KIAA1217: variants seen among roughly 807,000 people sequenced by gnomAD.
The protein encoded by KIAA1217 is KIAA1217, also known as sickle tail protein homolog.
In KIAA1217, 88 loss-of-function variants were observed where a neutral mutation model predicts 163.9. That is an observed-to-expected ratio of 0.54 (90% CI 0.45 to 0.64). KIAA1217 has a LOEUF of 0.64. Among genes scored for constraint, KIAA1217 ranks in the 30% least tolerant of loss-of-function variants. KIAA1217 has a pLI of 0.00. For missense variants in KIAA1217, 2,372 were observed against 2,475.0 expected, an observed-to-expected ratio of 0.96 and a Z score of 0.88; for synonymous variants, 903 against 923.1, an observed-to-expected ratio of 0.98 and a Z score of 0.39.
intron 2 of KIAA1217, among the ~76,000 whole-genome samples, chr10:24,131,038 T>A (rs1176124046): frequency 6.6e-6 from 1 of 152,228 alleles, no homozygotes; most frequent in Non-Finnish European, 1.5e-5. Context: ...GATTACTACA[T>A]AAATGATTTA....
At chr10:23,850,939 A>G (rs569714097) in intron 1 of KIAA1217, among the ~76,000 whole-genome samples, 51 of 152,250 alleles carry the variant, frequency 3.3e-4, no homozygotes, top group African/African-American at 1.2e-3. Flanking sequence ...CAATGAGAAC[A>G]GCAAGGGGGA....
intron 2 of KIAA1217, among the ~76,000 whole-genome samples, chr10:24,053,834 A>C (rs1849688534): frequency 6.6e-6 from 1 of 152,182 alleles, no homozygotes; most frequent in South Asian, 2.1e-4. Flanking sequence ...TGCACAGAAG[A>C]ACAGGCCATT....
intron 2 of KIAA1217, among the ~76,000 whole-genome samples, chr10:24,067,109 T>C (rs1203553846): frequency 1.3e-5 from 2 of 151,988 alleles, no homozygotes; most frequent in Admixed American, 6.6e-5. Flanking sequence ...TAGCTTGGAG[T>C]AGTTTGATCT....
At chr10:23,789,380 G>A (rs933088592) in intron 1 of KIAA1217, among the ~76,000 whole-genome samples, 2 of 152,044 alleles carry the variant, frequency 1.3e-5, no homozygotes, top group East Asian at 1.9e-4. Flanking sequence ...TAGACATATC[G>A]TGCAGAATCT....
At chr10:23,738,735 T>TA (rs5783860) in intron 1 of KIAA1217, among the ~76,000 whole-genome samples, 34,785 of 152,000 alleles carry the variant, frequency 0.23, 4,319 homozygotes, top group African/African-American at 0.32. Flanking sequence ...TATGGATAGA[T>TA]ATTGATTAAT....
At chr10:24,453,836 C>T (rs190457143) in intron 5 of KIAA1217, among the ~76,000 whole-genome samples, 1 of 152,188 alleles carries the variant, frequency 6.6e-6, no homozygotes, top group Admixed American at 6.5e-5. Flanking sequence ...TTCATTAACT[C>T]CTTAAGTCAC....
chr10:23,821,093 CTGTGTGTGTGCG>C (rs1373357629), intron 1 of KIAA1217, among the ~76,000 whole-genome samples: 3 of 137,346 alleles, frequency 2.2e-5, no homozygotes, highest in Non-Finnish European at 4.6e-5. Flanking sequence ...TTTCTTGCAG[CTGTGTGTGTGCG>C]TGTGTGTGTG....
At chr10:24,387,493 G>C (rs1214987012) in intron 3 of KIAA1217, among the ~76,000 whole-genome samples, 2 of 152,150 alleles carry the variant, frequency 1.3e-5, no homozygotes, top group African/African-American at 2.4e-5. Flanking sequence ...AAAACTGGTA[G>C]AAGACAGGGA....
chr10:24,294,594 G>A (rs1286758718), intron 2 of KIAA1217, among the ~76,000 whole-genome samples: 1 of 152,216 alleles, frequency 6.6e-6, no homozygotes, highest in East Asian at 1.9e-4. Context: ...AGCGTAGTCA[G>A]TGGATCTGTT....
At chr10:23,872,948 T>G (rs1013107816) in intron 1 of KIAA1217, among the ~76,000 whole-genome samples, 1 of 151,946 alleles carries the variant, frequency 6.6e-6, no homozygotes, top group African/African-American at 2.4e-5. Flanking sequence ...ATTTTTGGAA[T>G]GAAACAAGCC....
chr10:24,459,930 C>T (rs1477758926), intron 5 of KIAA1217, among the ~76,000 whole-genome samples: 1 of 152,116 alleles, frequency 6.6e-6, no homozygotes, highest in African/African-American at 2.4e-5. Context: ...GACCCTGTCT[C>T]TTTAAAACTA....
In KIAA1217 at chr10:24,545,994, G is replaced by C. The variant is rs770638761; in HGVS notation, c.5502G>C (p.Ser1834=). The part of the protein sequence containing the change: ...NLPNPPATKP[S]IASNPLSPQT... ...CTAATCCACCTGCTACTAAACCATC[G>C]ATTGCTTCTAACCCTCTCAGCCCCC... The change falls in exon 21 of 21, where the codon TCG becomes TCC. Residue 1834 remains serine, a synonymous_variant. Coordinates refer to ENST00000376454, the MANE Select transcript of KIAA1217 (RefSeq NM_019590.5). 1 of 1,613,912 alleles carries C rather than the reference G, an allele frequency of 6.2e-7. No individual in the cohort carries two copies. Among genetic ancestry groups the C allele is most frequent in the Non-Finnish European group, 8.5e-7 (1 of 1,179,982 alleles).
At chr10:23,763,614 A>G (rs190340691) in intron 1 of KIAA1217, among the ~76,000 whole-genome samples, 1 of 152,222 alleles carries the variant, frequency 6.6e-6, no homozygotes, top group East Asian at 1.9e-4. Flanking sequence ...TGGATTAAAG[A>G]CTTAAATGTA....
At chr10:24,462,442 A>G (rs1352431481) in intron 5 of KIAA1217, among the ~76,000 whole-genome samples, 1 of 152,192 alleles carries the variant, frequency 6.6e-6, no homozygotes, top group Admixed American at 6.5e-5. Context: ...GTGGGCAGGC[A>G]TGAGGAACAT....
chr10:23,892,781 G>C (rs185176168), intron 1 of KIAA1217, among the ~76,000 whole-genome samples: 1 of 151,942 alleles, frequency 6.6e-6, no homozygotes, highest in African/African-American at 2.4e-5. Flanking sequence ...CTTCAGTTAA[G>C]AATTTTGATA....
chr10:24,158,441 C>T, intron 2 of KIAA1217: 1 of 564,408 alleles, frequency 1.8e-6, no homozygotes, highest in Non-Finnish European at 3.5e-6. Context: ...CACATGATGT[C>T]TAACACAGGA....
intron 2 of KIAA1217, among the ~76,000 whole-genome samples, chr10:24,172,308 C>T (rs118190653): frequency 0.018 from 2,670 of 152,278 alleles, 38 homozygotes; most frequent in South Asian, 0.056. Context: ...CCTATGACCA[C>T]TATGCCAAGA....
At chr10:24,161,485 A>C (rs914139304) in intron 2 of KIAA1217, among the ~76,000 whole-genome samples, 6 of 152,232 alleles carry the variant, frequency 3.9e-5, no homozygotes, top group Non-Finnish European at 8.8e-5. Context: ...ATACACTATT[A>C]ACACACACAA....
At chr10:24,205,772 C>CA (rs11388565), upstream of KIAA1217, among the ~76,000 whole-genome samples, 66,088 of 141,914 alleles carry the variant, frequency 0.47, 14,848 homozygotes, top group African/African-American at 0.56. Context: ...GATGCTGTCT[C>CA]AAAAAAAAAA....
Sources: allele counts gnomAD v4.1 joint callset (sites outside exome capture counted in the v4.1 genomes callset), GRCh38; gene constraint gnomAD v4.1.1; transcripts MANE v1.5; gene names NCBI Gene and HGNC (gene_info 2026-07-23, HGNC 2026-07-21).